XPO5: variants seen among roughly 807,000 people sequenced by gnomAD.
The protein encoded by XPO5 is exportin-5.
In XPO5, 46 loss-of-function variants were observed where a neutral mutation model predicts 160.6. The observed-to-expected ratio is 0.29, with a 90% confidence interval of 0.23 to 0.37. The LOEUF is 0.37. XPO5 is among the 10% of genes least tolerant of loss of function. XPO5 has a pLI of 1.00. For missense variants in XPO5, 1,090 were observed against 1,463.9 expected (o/e 0.74, Z 4.17); for synonymous variants, 537 against 519.3 (o/e 1.03, Z -0.46).
rs949262944 is a variant in XPO5 at position 43,523,548 on chromosome 6, G to A, written c.*320C>T. 10 of 512,892 alleles carry A rather than the reference G, an allele frequency of 1.9e-5. No homozygotes were observed. The highest frequency in any genetic ancestry group is 9.2e-5 in the Admixed American group (4 of 43,330). The allele number at this position is 512,892 out of a possible 1,614,324, so 31.8% of individuals were successfully genotyped here. A position where few individuals can be genotyped will look rare whatever the true frequency, so the allele number is the denominator to read the frequency against. Reference sequence around the variant, plus strand: ...TACCATTCTGTACAGGTATGTGGCTGCACGGGGGTGGGAGGGCTTGTGGGA... The same window carrying A: ...TACCATTCTGTACAGGTATGTGGCTACACGGGGGTGGGAGGGCTTGTGGGA... On this transcript the variant is annotated 3_prime_UTR_variant, in exon 32 of 32. Coordinates refer to ENST00000265351, the MANE Select transcript of XPO5 (RefSeq NM_020750.3).
At chr6:43,567,121 A>G (rs1228599757) in intron 7 of XPO5, 48 bp downstream of exon 7, 4 of 1,544,344 alleles carry the variant, frequency 2.6e-6, no homozygotes, top group Admixed American at 2.1e-5. Flanking sequence ...ACACATACAC[A>G]GCCTACTTCA....
At chr6:43,565,574 A>T (rs1223596799) in intron 8 of XPO5, 86 bp downstream of exon 8, 2 of 1,300,200 alleles carry the variant, frequency 1.5e-6, no homozygotes, top group Non-Finnish European at 2.1e-6. Context: ...AAAATAAAAA[A>T]AAAAAAAAGA....
At chr6:43,566,122 G>A (rs1454671465) in intron 7 of XPO5, among the ~76,000 whole-genome samples, 4 of 152,122 alleles carry the variant, frequency 2.6e-5, no homozygotes, top group Admixed American at 2.0e-4. Flanking sequence ...GCCAGGTGCC[G>A]TGGCTCACAC....
In XPO5 at chr6:43,523,801, G is replaced by C. The variant is rs764731542; in HGVS notation, c.*67C>G. 3.1e-6 allele frequency: 5 copies of C among 1,612,896 alleles called. No homozygotes were observed. In the East Asian group the frequency reaches 1.1e-4, roughly 36 times the overall value. The stretch of plus-strand genomic sequence containing the variant: ...GAGGTGGCAGTGCAAGAAGGGCCTA[G>C]AGATCGGCTACAAAGGGAAAGAAGA... On this transcript the variant is annotated 3_prime_UTR_variant, in exon 32 of 32. Coordinates refer to ENST00000265351, the MANE Select transcript of XPO5 (RefSeq NM_020750.3).
In XPO5 at chr6:43,573,465, C is replaced by T; in HGVS notation, c.227+15G>A. 1 of 1,612,386 alleles carries T rather than the reference C, an allele frequency of 6.2e-7. No individual in the cohort carries two copies. Among genetic ancestry groups the T allele is most frequent in the Non-Finnish European group, 8.5e-7 (1 of 1,178,794 alleles). The stretch of plus-strand genomic sequence containing the variant: ...TTCTCTCAGACTTCAGTGGTAATGT[C>T]CAAGAGCTCCTTACTTGACAACGTG... On this transcript the variant is annotated intron_variant, in intron 2 of 31. Coordinates refer to ENST00000265351, the MANE Select transcript of XPO5 (RefSeq NM_020750.3).
intron 8 of XPO5, among the ~76,000 whole-genome samples, chr6:43,563,658 T>C (rs1409406194): frequency 6.6e-6 from 1 of 152,214 alleles, no homozygotes; most frequent in Non-Finnish European, 1.5e-5. Context: ...TACAAACCTC[T>C]ATAGCATGTT....
chr6:43,545,025 A>G (rs1379055189), intron 20 of XPO5, among the ~76,000 whole-genome samples: 1 of 152,048 alleles, frequency 6.6e-6, no homozygotes, highest in Admixed American at 6.6e-5. Context: ...GGCATGTGCC[A>G]CCATGCCCAG....
intron 27 of XPO5, 179 bp downstream of exon 27, chr6:43,526,506 T>C: frequency 1.5e-6 from 1 of 646,906 alleles, no homozygotes; most frequent in Non-Finnish European, 2.8e-6. Context: ...AAACAGCAAG[T>C]GCAAAGGCTT....
At chr6:43,535,037 A>C (rs1035922972) in intron 20 of XPO5, among the ~76,000 whole-genome samples, 3 of 151,594 alleles carry the variant, frequency 2.0e-5, no homozygotes, top group Non-Finnish European at 2.9e-5. Flanking sequence ...TCATGCCTGT[A>C]ATCCCAGCAC....
rs1284756283 is a variant in XPO5, at chr6:43,546,724, C to G, written c.2189G>C (p.Gly730Ala). Residue 730 changes from glycine (G) to alanine (A), a missense_variant, in exon 20 of 32, where the codon GGT becomes GCT. Coordinates refer to ENST00000265351, the MANE Select transcript of XPO5 (RefSeq NM_020750.3). ...RMSFCVYSIL[G>A]VVKRTCWPTD... is the part of the protein sequence containing the mutation. ...GGGCCAGCAAGTTCGTTTCACCACACCCAGAATGCTGTATACACAAAAGCT... is the reference window on the plus strand; with the variant it reads ...GGGCCAGCAAGTTCGTTTCACCACAGCCAGAATGCTGTATACACAAAAGCT... The G allele has an allele frequency of 1.2e-6, 2 of 1,610,186 alleles. No individual in the cohort carries two copies. The highest frequency in any genetic ancestry group is 1.7e-6 in the Non-Finnish European group (2 of 1,178,386).
intron 17 of XPO5, 69 bp from the exon 18 acceptor site, chr6:43,548,529 A>G: frequency 7.4e-7 from 1 of 1,357,002 alleles, no homozygotes; most frequent in Admixed American, 3.0e-5. Flanking sequence ...TGGCTTACTC[A>G]AGGAAGAAAG....
intron 20 of XPO5, among the ~76,000 whole-genome samples, chr6:43,535,382 G>C (rs1794252321): frequency 6.6e-6 from 1 of 151,900 alleles, no homozygotes; most frequent in Non-Finnish European, 1.5e-5. Context: ...CTGAGGTCAG[G>C]AGTTCAAGAC....
chr6:43,540,643 C>G (rs372304222), intron 20 of XPO5, among the ~76,000 whole-genome samples: 3 of 152,040 alleles, frequency 2.0e-5, no homozygotes, highest in African/African-American at 7.2e-5. Context: ...ACAAGAGTGA[C>G]ACTCCGTTTC....
At chr6:43,541,956 T>C (rs1017601854) in intron 20 of XPO5, among the ~76,000 whole-genome samples, 14 of 152,064 alleles carry the variant, frequency 9.2e-5, no homozygotes, top group Non-Finnish European at 4.4e-5. Flanking sequence ...ATTTCTGTAT[T>C]TTTAGTAGAG....
At chr6:43,526,556 G>T in intron 27 of XPO5, 129 bp downstream of exon 27, 1 of 1,019,186 alleles carries the variant, frequency 9.8e-7, no homozygotes. Context: ...CAAGAGGGCT[G>T]GTCCAGAGAT....
chr6:43,540,574 A>G (rs1794638929), intron 20 of XPO5, among the ~76,000 whole-genome samples: 1 of 152,198 alleles, frequency 6.6e-6, no homozygotes, highest in African/African-American at 2.4e-5. Flanking sequence ...AAGCGCTTGA[A>G]CCTGGGAGGT....
chr6:43,571,891 CATA>C (rs1435079040), intron 3 of XPO5, among the ~76,000 whole-genome samples: 1 of 151,736 alleles, frequency 6.6e-6, no homozygotes, highest in Non-Finnish European at 1.5e-5. Context: ...ATTAGTATCA[CATA>C]GTAGTTGTTT....
chr6:43,526,432 C>T, intron 27 of XPO5: 1 of 526,348 alleles, frequency 1.9e-6, no homozygotes, highest in Non-Finnish European at 3.4e-6. Context: ...GAAGAGGTGA[C>T]ATTGGAATAA....
At chr6:43,527,511 A>G (rs1793674374) in intron 26 of XPO5, 123 bp downstream of exon 26, 1 of 930,148 alleles carries the variant, frequency 1.1e-6, no homozygotes, top group South Asian at 1.6e-5. Flanking sequence ...TGACCTCGCA[A>G]TCCACCATGC....
Sources: gnomAD v4.1 joint callset for allele counts (sites outside exome capture counted in the v4.1 genomes callset) on GRCh38, gnomAD v4.1.1 for gene constraint, MANE v1.5 for transcripts, NCBI Gene and HGNC (gene_info 2026-07-23, HGNC 2026-07-21) for gene names.